Variants in HNF4G observed in about 807,000 individuals in gnomAD.
The protein encoded by HNF4G is hepatocyte nuclear factor 4 gamma, also known as hepatocyte nuclear factor 4-gamma.
HNF4G carries 21 observed loss-of-function variants against 50.9 expected under a neutral mutation model. The observed-to-expected ratio is 0.41, with a 90% CI of 0.29 to 0.59. The LOEUF is 0.59. HNF4G is among the 20% of genes least tolerant of loss of function. The pLI is 0.26. For synonymous variants in HNF4G, 198 were observed against 185.6 expected, an observed-to-expected ratio of 1.07 and a Z score of -0.54; for missense variants, 527 against 559.4, an observed-to-expected ratio of 0.94 and a Z score of 0.58.
At chr8:75,460,419 C>A (rs1167904643) in intron 1 of HNF4G, among the ~76,000 whole-genome samples, 1 of 152,134 alleles carries the variant, frequency 6.6e-6, no homozygotes, top group African/African-American at 2.4e-5. Flanking sequence ...GCTGAAGGTG[C>A]TTAAAAGACA....
chr8:75,434,724 AAAAG>A (rs1482071680), intron 1 of HNF4G, among the ~76,000 whole-genome samples: 1 of 151,932 alleles, frequency 6.6e-6, no homozygotes, highest in Non-Finnish European at 1.5e-5. Flanking sequence ...ATCAGGTAAG[AAAAG>A]TGGGGTATAA....
intron 1 of HNF4G, among the ~76,000 whole-genome samples, chr8:75,456,468 C>T (rs912065775): frequency 6.6e-6 from 1 of 152,000 alleles, no homozygotes; most frequent in East Asian, 1.9e-4. Flanking sequence ...TATAACTTTT[C>T]CTGTGTTATT....
chr8:75,448,499 AAAAC>A (rs1162707208), intron 1 of HNF4G, among the ~76,000 whole-genome samples: 4 of 150,548 alleles, frequency 2.7e-5, no homozygotes, highest in African/African-American at 9.7e-5. Flanking sequence ...AAAAAAAAAA[AAAAC>A]AAATACCTTA....
chr8:75,413,342 A>C (rs927746276), intron 1 of HNF4G, among the ~76,000 whole-genome samples: 1 of 6,666 alleles, frequency 1.5e-4, no homozygotes, highest in Non-Finnish European at 2.9e-4. Context: ...AGGGGAGGGG[A>C]GGGGTGGGGA....
chr8:75,423,463 C>T (rs1023717913), intron 1 of HNF4G, among the ~76,000 whole-genome samples: 1 of 149,384 alleles, frequency 6.7e-6, no homozygotes, highest in African/African-American at 2.5e-5. Flanking sequence ...AATTCTTCTG[C>T]CTCATAACTC....
chr8:75,458,084 G>T (rs559794890), intron 1 of HNF4G, among the ~76,000 whole-genome samples: 13 of 152,220 alleles, frequency 8.5e-5, no homozygotes, highest in African/African-American at 3.1e-4. Context: ...ATTACAGAGT[G>T]AGCCACCATG....
At chr8:75,445,665 A>C (rs1315478750) in intron 1 of HNF4G, among the ~76,000 whole-genome samples, 10 of 121,610 alleles carry the variant, frequency 8.2e-5, no homozygotes, top group Non-Finnish European at 1.1e-4. Flanking sequence ...TACGCAAATA[A>C]ACTAGAAAAT....
chr8:75,429,884 G>A (rs570205648), intron 1 of HNF4G, among the ~76,000 whole-genome samples: 1 of 152,236 alleles, frequency 6.6e-6, no homozygotes, highest in Non-Finnish European at 1.5e-5. Flanking sequence ...ATTCCAGACA[G>A]TATATGTATA....
chr8:75,468,522 C>T (rs927957786), intron 1 of HNF4G, among the ~76,000 whole-genome samples: 2 of 151,986 alleles, frequency 1.3e-5, no homozygotes, highest in Non-Finnish European at 2.9e-5. Context: ...GTTGAAACCC[C>T]GTCTCTACTG....
intron 8 of HNF4G, among the ~76,000 whole-genome samples, chr8:75,559,303 C>G (rs1274433265): frequency 4.7e-5 from 7 of 149,188 alleles, no homozygotes; most frequent in Non-Finnish European, 7.4e-5. Flanking sequence ...AAGACAGAGT[C>G]TCGCTCAGTC....
intron 1 of HNF4G, among the ~76,000 whole-genome samples, chr8:75,438,025 G>T (rs1165234224): frequency 3.3e-5 from 5 of 152,070 alleles, no homozygotes; most frequent in Non-Finnish European, 5.9e-5. Flanking sequence ...GTAATTAATA[G>T]AGTTTTTAAT....
Position 75,423,980 on chromosome 8 carries a change from C to T in HNF4G, c.-144+15818C>T, listed in dbSNP as rs888516574. On this transcript the variant is annotated intron_variant, in intron 1 of 10. Coordinates refer to the HNF4G transcript ENST00000354370. ...CTGGGACTACAAGTATGCATCACCA[C>T]ACCCAGCTAATTTTTGTATTTTTAG... 4.9e-4 allele frequency among the ~76,000 whole-genome samples: 75 copies of T among 151,686 alleles called. No individual in the cohort carries two copies. In the Middle Eastern group the frequency reaches 0.017, roughly 34 times the overall value.
chr8:75,534,746 G>T (rs778698921), intron 2 of HNF4G, among the ~76,000 whole-genome samples: 1 of 151,744 alleles, frequency 6.6e-6, no homozygotes. Context: ...TTTTAGTAGT[G>T]ATGTGATAAA....
intron 1 of HNF4G, among the ~76,000 whole-genome samples, chr8:75,456,623 C>T (rs2130594290): frequency 6.6e-6 from 1 of 151,976 alleles, no homozygotes; most frequent in Middle Eastern, 3.4e-3. Flanking sequence ...GATAGTCTTT[C>T]CAGGTTGGTA....
intron 1 of HNF4G, among the ~76,000 whole-genome samples, chr8:75,424,644 G>A (rs934177959): frequency 6.6e-6 from 1 of 152,080 alleles, no homozygotes; most frequent in Non-Finnish European, 1.5e-5. Context: ...GCAATAACTG[G>A]TTTTCTGTGT....
At chr8:75,481,621 G>T (rs960525650) in intron 1 of HNF4G, among the ~76,000 whole-genome samples, 1 of 152,104 alleles carries the variant, frequency 6.6e-6, no homozygotes, top group African/African-American at 2.4e-5. Flanking sequence ...AGAAGATAAC[G>T]GTGGGACCCC....
At chr8:75,458,657 T>C (rs1417789501) in intron 1 of HNF4G, among the ~76,000 whole-genome samples, 2 of 152,188 alleles carry the variant, frequency 1.3e-5, no homozygotes, top group Non-Finnish European at 2.9e-5. Flanking sequence ...GCCTGGTACA[T>C]GTGAATTGAA....
chr8:75,518,559 A>G (rs1384168827), intron 2 of HNF4G, among the ~76,000 whole-genome samples: 1 of 152,074 alleles, frequency 6.6e-6, no homozygotes, highest in Non-Finnish European at 1.5e-5. Flanking sequence ...CTAAACCTCA[A>G]TTCTTGACTT....
intron 1 of HNF4G, among the ~76,000 whole-genome samples, chr8:75,462,209 G>A (rs73343054): frequency 9.2e-5 from 14 of 152,220 alleles, no homozygotes; most frequent in African/African-American, 2.9e-4. Flanking sequence ...GAGCCACTGC[G>A]ACAGGCCTAA....
Sources: allele counts gnomAD v4.1 joint callset (sites outside exome capture counted in the v4.1 genomes callset), GRCh38; gene constraint gnomAD v4.1.1; transcripts MANE v1.5; gene names NCBI Gene and HGNC (gene_info 2026-07-23, HGNC 2026-07-21).